SCAF8: variants seen among roughly 807,000 people sequenced by gnomAD.
The protein encoded by SCAF8 is SR-related and CTD-associated factor 8.
Under a neutral mutation model 140.5 loss-of-function variants are expected in SCAF8, and 23 were observed. The ratio of observed to expected loss-of-function variants is 0.16; its 90% CI spans 0.12 to 0.23. The LOEUF (loss-of-function observed/expected upper bound fraction) is 0.23. Ranked by LOEUF, SCAF8 falls within the 10% of genes least tolerant of loss-of-function variation. SCAF8 has a pLI of 1.00. For synonymous variants in SCAF8, 575 were observed against 528.9 expected, an observed-to-expected ratio of 1.09 and a Z score of -1.20; for missense variants, 1,397 against 1,555.7, an observed-to-expected ratio of 0.90 and a Z score of 1.72.
chr6:154,733,627 C>A lies in SCAF8; in HGVS notation c.-274C>A, dbSNP rs1305216362. On this transcript the variant is annotated 5_prime_UTR_variant, in exon 1 of 20. Transcript: ENST00000367178. ...GAGAAGGCGCCGCGGCCCAGCCCCT[C>A]CCCCGCCCGCCGCCGACCCGCCCCG... is the stretch of plus-strand genomic sequence containing the variant. 3.4e-5 allele frequency: 44 copies of A among 1,292,686 alleles called. No homozygotes were observed. The highest frequency in any genetic ancestry group is 4.3e-5 in the Non-Finnish European group (44 of 1,024,158). The allele number at this position is 1,292,686 out of a possible 1,614,324, so 80.1% of individuals were successfully genotyped here.
chr6:154,809,726 A>G (rs143037098), intron 11 of SCAF8, among the ~76,000 whole-genome samples: 358 of 152,264 alleles, frequency 2.4e-3, no homozygotes, highest in African/African-American at 7.9e-3. Context: ...TGTTTGAAAA[A>G]TGAGTTGGAA....
intron 8 of SCAF8, among the ~76,000 whole-genome samples, chr6:154,804,813 G>T (rs1327380512): frequency 6.6e-6 from 1 of 151,926 alleles, no homozygotes. Flanking sequence ...TGTATTCCAG[G>T]TGTGAATTTC....
intron 1 of SCAF8, among the ~76,000 whole-genome samples, chr6:154,761,274 G>T (rs967891478): frequency 1.1e-4 from 16 of 152,194 alleles, no homozygotes; most frequent in Admixed American, 5.9e-4. Flanking sequence ...ATCACCTGAG[G>T]TTGGGAGTTC....
chr6:154,799,884 A>G lies in SCAF8; in HGVS notation c.607-2087A>G, dbSNP rs1777720449. On this transcript the variant is annotated intron_variant, in intron 6 of 19. Transcript: ENST00000367178. ...ATTGCAACCTTGGCCTCCCGGGTTC[A>G]AGCAATTCTCTTGCCTCAGCCTCCT... 2.6e-5 allele frequency among the ~76,000 whole-genome samples: 4 copies of G among 151,268 alleles called. No individual in the cohort carries two copies. In the South Asian group the frequency reaches 8.3e-4, roughly 32 times the overall value.
At chr6:154,812,132 C>T (rs1377900453) in intron 12 of SCAF8, among the ~76,000 whole-genome samples, 1 of 148,782 alleles carries the variant, frequency 6.7e-6, no homozygotes, top group Non-Finnish European at 1.5e-5. Context: ...ACAGGCATAC[C>T]TTGTTTTATT....
rs1777459443 is a variant in SCAF8 at position 154,792,727 on chromosome 6, C to T, written c.322-96C>T. The T allele has an allele frequency of 7.6e-6, 6 of 793,088 alleles. No homozygotes were observed. In the South Asian group the frequency reaches 1.0e-4, roughly 13 times the overall value. 49.1% of individuals were successfully genotyped at this position (793,088 alleles called of 1,614,324 possible). A position where few individuals can be genotyped will look rare whatever the true frequency, so the allele number is the denominator to read the frequency against. Reference sequence around the variant, plus strand: ...AAGTACCATTGAAGTATTTTAATTTCTCCTTTCCATCCAGGGCCCAGATAG... The same window carrying T: ...AAGTACCATTGAAGTATTTTAATTTTTCCTTTCCATCCAGGGCCCAGATAG... On this transcript the variant is annotated intron_variant, in intron 4 of 19. Coordinates refer to ENST00000367178, the MANE Select transcript of SCAF8 (RefSeq NM_014892.5).
intron 15 of SCAF8, among the ~76,000 whole-genome samples, chr6:154,821,187 C>G (rs2114675205): frequency 6.6e-6 from 1 of 152,252 alleles, no homozygotes; most frequent in East Asian, 1.9e-4. Context: ...AAAATTCTTC[C>G]TCTTGTAGAG....
intron 1 of SCAF8, among the ~76,000 whole-genome samples, chr6:154,761,144 TAGTG>T (rs1776382713): frequency 1.3e-5 from 2 of 152,138 alleles, no homozygotes; most frequent in Admixed American, 6.5e-5. Context: ...TTACATTTGA[TAGTG>T]AGTTATTAGG....
chr6:154,748,760 A>C (rs112957605), intron 1 of SCAF8, among the ~76,000 whole-genome samples: 1 of 152,224 alleles, frequency 6.6e-6, no homozygotes, highest in Non-Finnish European at 1.5e-5. Flanking sequence ...GTTGTGAGCA[A>C]CTTAGCTGAA....
intron 5 of SCAF8, 105 bp downstream of exon 5, chr6:154,793,081 C>T (rs967714379): frequency 6.7e-6 from 5 of 748,378 alleles, no homozygotes; most frequent in African/African-American, 3.6e-5. Context: ...ATTTGTCCAG[C>T]ATTACATAAT....
intron 5 of SCAF8, among the ~76,000 whole-genome samples, chr6:154,793,815 CAAAAA>C (rs59257286): frequency 7.2e-5 from 5 of 69,314 alleles, no homozygotes; most frequent in East Asian, 4.4e-4. Context: ...AACTCTGTCT[CAAAAA>C]AAAAAAAAAA....
chr6:154,733,735 C>A lies in SCAF8; in HGVS notation c.-166C>A. 2 of 1,328,868 alleles carry A rather than the reference C, an allele frequency of 1.5e-6. No homozygotes were observed. Among genetic ancestry groups the A allele is most frequent in the Non-Finnish European group, 1.9e-6 (2 of 1,042,956 alleles). 82.3% of individuals were successfully genotyped at this position (1,328,868 alleles called of 1,614,324 possible). ...CGCTCTGCCGCTGAGGGAGCCCTTC[C>A]CCGCCAGCGCGTGCCCTTCCACTCC... On this transcript the variant is annotated 5_prime_UTR_variant, in exon 1 of 20. Transcript: ENST00000367178.
intron 2 of SCAF8, among the ~76,000 whole-genome samples, chr6:154,775,000 G>A (rs954300314): frequency 1.3e-5 from 2 of 152,108 alleles, no homozygotes; most frequent in Non-Finnish European, 2.9e-5. Flanking sequence ...AATATTCAGT[G>A]ATATGTTTTC....
intron 11 of SCAF8, among the ~76,000 whole-genome samples, chr6:154,809,801 T>TACTCAG (rs1427895073): frequency 6.6e-6 from 1 of 152,184 alleles, no homozygotes; most frequent in African/African-American, 2.4e-5. Flanking sequence ...TAGTCACCCA[T>TACTCAG]ACTCAGAATC....
intron 18 of SCAF8, among the ~76,000 whole-genome samples, chr6:154,829,790 C>T (rs1333843108): frequency 1.3e-5 from 2 of 152,074 alleles, no homozygotes; most frequent in Non-Finnish European, 2.9e-5. Context: ...GCCTGTAATC[C>T]CAGCTACTCA....
chr6:154,757,072 C>T (rs543263152), intron 1 of SCAF8, among the ~76,000 whole-genome samples: 24 of 151,062 alleles, frequency 1.6e-4, no homozygotes, highest in Admixed American at 3.3e-4. Flanking sequence ...GTTGCCTAGG[C>T]TGGAGTGCGG....
At chr6:154,827,636 C>G (rs890218122) in intron 18 of SCAF8, among the ~76,000 whole-genome samples, 2 of 152,032 alleles carry the variant, frequency 1.3e-5, no homozygotes, top group Non-Finnish European at 2.9e-5. Context: ...TTTTTTGCTT[C>G]TTTGTGGTAC....
At chr6:154,795,477 A>G (rs1777573809) in intron 6 of SCAF8, among the ~76,000 whole-genome samples, 1 of 152,210 alleles carries the variant, frequency 6.6e-6, no homozygotes, top group Non-Finnish European at 1.5e-5. Context: ...ATGGTAAAAA[A>G]TAGTATGACA....
intron 18 of SCAF8, among the ~76,000 whole-genome samples, chr6:154,829,918 G>A (rs1026135756): frequency 6.6e-6 from 1 of 152,068 alleles, no homozygotes; most frequent in Non-Finnish European, 1.5e-5. Flanking sequence ...AAAAAAGATA[G>A]GTTTAAAAGT....
Sources: gnomAD v4.1 joint callset for allele counts (sites outside exome capture counted in the v4.1 genomes callset) on GRCh38, gnomAD v4.1.1 for gene constraint, MANE v1.5 for transcripts, NCBI Gene and HGNC (gene_info 2026-07-23, HGNC 2026-07-21) for gene names.